DOCK8: variants seen among roughly 807,000 people sequenced by gnomAD.
DOCK8 encodes dedicator of cytokinesis 8.
In DOCK8, 141 loss-of-function variants were observed where a neutral mutation model predicts 245.6. The observed-to-expected ratio is 0.57, with a 90% CI of 0.50 to 0.66. The LOEUF is 0.66. Ranked by LOEUF, DOCK8 falls within the 30% of genes least tolerant of loss-of-function variation. DOCK8 has a pLI of 0.00. For missense variants in DOCK8, 2,965 were observed against 2,603.4 expected, an observed-to-expected ratio of 1.14 and a Z score of -3.02; for synonymous variants, 1,168 against 970.2, an observed-to-expected ratio of 1.20 and a Z score of -3.79.
chr9:404,753 A>G (rs2055334041), intron 26 of DOCK8, among the ~76,000 whole-genome samples, 165 bp from the exon 27 acceptor site: 1 of 152,246 alleles, frequency 6.6e-6, no homozygotes, highest in Non-Finnish European at 1.5e-5. Flanking sequence ...AAAATTTATT[A>G]GACCTCTCTG....
intron 14 of DOCK8, among the ~76,000 whole-genome samples, chr9:347,434 A>G (rs758801962): frequency 2.6e-5 from 4 of 152,138 alleles, no homozygotes; most frequent in Non-Finnish European, 5.9e-5. Flanking sequence ...TGAGCCAGGA[A>G]GGTCGAGGCT....
In DOCK8 at chr9:439,349, G is replaced by C. The variant is rs371723484; in HGVS notation, c.5184G>C (p.Leu1728=). The C allele has an allele frequency of 3.0e-5, 49 of 1,614,066 alleles. No homozygotes were observed. In the East Asian group the frequency reaches 4.5e-4, roughly 15 times the overall value. The change falls in exon 40 of 48, where the codon CTG becomes CTC. Residue 1728 remains leucine (L), a synonymous_variant. Coordinates refer to ENST00000432829, the MANE Select transcript of DOCK8 (RefSeq NM_203447.4). ...CAGQYFTESG[L]VGLLEQAAEL... ...GCCAGTACTTCACCGAGAGTGGCCTGGTAGGCCTCCTGGAGCAGGCCGCGG... is the reference window on the plus strand; with the variant it reads ...GCCAGTACTTCACCGAGAGTGGCCTCGTAGGCCTCCTGGAGCAGGCCGCGG...
Position 339,148 on chromosome 9 carries a change from T to C in DOCK8, c.1516+49T>C, listed in dbSNP as rs1254122441. 2.7e-6 allele frequency: 4 copies of C among 1,472,682 alleles called. No homozygotes were observed. In the Admixed American group the frequency reaches 5.0e-5, roughly 19 times the overall value. 91.2% of individuals were successfully genotyped at this position (1,472,682 alleles called of 1,614,324 possible). A position where few individuals can be genotyped will look rare whatever the true frequency, so the allele number is the denominator to read the frequency against. ...TCTTTAGCTGTGCCAAAACTGCTTA[T>C]CGTTAGACACAGTCTTTGTCTAATG... On this transcript the variant is annotated intron_variant, in intron 13 of 47. Transcript: ENST00000432829.
intron 18 of DOCK8, among the ~76,000 whole-genome samples, chr9:375,425 G>A (rs796413419): frequency 1.9e-4 from 29 of 152,250 alleles, no homozygotes; most frequent in African/African-American, 7.0e-4. Flanking sequence ...AGAAACATGT[G>A]GGAAACACTT....
At chr9:361,344 T>C (rs889372965) in intron 14 of DOCK8, among the ~76,000 whole-genome samples, 6 of 152,156 alleles carry the variant, frequency 3.9e-5, no homozygotes, top group African/African-American at 2.4e-5. Context: ...AGGTAACATA[T>C]AATATCTTAC....
chr9:383,972 C>T (rs1272091997), intron 22 of DOCK8, among the ~76,000 whole-genome samples: 36 of 152,132 alleles, frequency 2.4e-4, no homozygotes, highest in Admixed American at 2.4e-3. Context: ...GAATATTATT[C>T]ATTAAGTTCA....
intron 33 of DOCK8, among the ~76,000 whole-genome samples, chr9:422,776 G>C (rs186202488): frequency 6.6e-6 from 1 of 152,186 alleles, no homozygotes; most frequent in South Asian, 2.1e-4. Flanking sequence ...CCTGAGGTCA[G>C]TAGTTCGAGA....
chr9:417,229 G>A (rs2056063996), intron 29 of DOCK8, among the ~76,000 whole-genome samples: 1 of 152,208 alleles, frequency 6.6e-6, no homozygotes, highest in South Asian at 2.1e-4. Flanking sequence ...ATTGCAGTGA[G>A]CGGAGATGGC....
chr9:341,376 C>T (rs1006469355), intron 14 of DOCK8, among the ~76,000 whole-genome samples: 1 of 152,180 alleles, frequency 6.6e-6, no homozygotes, highest in African/African-American at 2.4e-5. Context: ...AATGCTCATG[C>T]ACTTCTTTAT....
chr9:443,372 A>C, intron 42 of DOCK8, 55 bp from the exon 43 acceptor site: 1 of 1,516,314 alleles, frequency 6.6e-7, no homozygotes, highest in South Asian at 1.1e-5. Context: ...CAAGAAGACA[A>C]AGAGTTGCAT....
chr9:381,680 G>T (rs995051324), intron 21 of DOCK8, among the ~76,000 whole-genome samples: 2 of 152,156 alleles, frequency 1.3e-5, no homozygotes, highest in Non-Finnish European at 2.9e-5. Flanking sequence ...ATGTGGCTGG[G>T]TGCGGTGGTT....
At chr9:345,925 C>T (rs2051862005) in intron 14 of DOCK8, among the ~76,000 whole-genome samples, 1 of 151,996 alleles carries the variant, frequency 6.6e-6, no homozygotes, top group South Asian at 2.1e-4. Flanking sequence ...GTTGGGCATT[C>T]ATAAAATAAA....
intron 10 of DOCK8, among the ~76,000 whole-genome samples, chr9:333,539 T>A (rs2051147961): frequency 6.6e-6 from 1 of 151,570 alleles, no homozygotes; most frequent in Admixed American, 6.6e-5. Flanking sequence ...AGGCGGAGGT[T>A]GCAGTGAGCC....
chr9:412,717 G>C (rs1379348348), intron 28 of DOCK8, among the ~76,000 whole-genome samples: 1 of 151,960 alleles, frequency 6.6e-6, no homozygotes, highest in Admixed American at 6.6e-5. Context: ...AGAAACACAA[G>C]AGTTATACAC....
chr9:401,030 ACCT>A (rs2131490355), intron 26 of DOCK8, among the ~76,000 whole-genome samples: 4 of 126,554 alleles, frequency 3.2e-5, no homozygotes, highest in African/African-American at 6.2e-5. Flanking sequence ...CACCTCCTTC[ACCT>A]CCACCATCAC....
chr9:277,282 A>C (rs1262760026), intron 2 of DOCK8, among the ~76,000 whole-genome samples: 2 of 151,798 alleles, frequency 1.3e-5, no homozygotes, highest in African/African-American at 4.9e-5. Context: ...AAAATTAGCC[A>C]GGCATGGTGG....
chr9:328,714 T>G (rs1196106069), intron 9 of DOCK8, among the ~76,000 whole-genome samples: 1 of 151,962 alleles, frequency 6.6e-6, no homozygotes, highest in Non-Finnish European at 1.5e-5. Flanking sequence ...GGTTTTCAAG[T>G]TTCATCCTCC....
At chr9:417,420 T>C (rs1380351936) in intron 29 of DOCK8, among the ~76,000 whole-genome samples, 1 of 152,222 alleles carries the variant, frequency 6.6e-6, no homozygotes, top group Admixed American at 6.5e-5. Flanking sequence ...TAGAAAAACA[T>C]GAATTTTTAG....
intron 1 of DOCK8, among the ~76,000 whole-genome samples, chr9:246,381 A>C (rs907149109): frequency 6.6e-6 from 1 of 152,038 alleles, no homozygotes; most frequent in Non-Finnish European, 1.5e-5. Flanking sequence ...AAAATTAAAA[A>C]CAGCCAGACA....
Sources: allele counts gnomAD v4.1 joint callset (sites outside exome capture counted in the v4.1 genomes callset), GRCh38; gene constraint gnomAD v4.1.1; transcripts MANE v1.5; gene names NCBI Gene and HGNC (gene_info 2026-07-23, HGNC 2026-07-21).